The following ARHGEF18 variants were observed in gnomAD, a reference collection of about 807,000 sequenced individuals.
ARHGEF18 encodes rho guanine nucleotide exchange factor 18.
In ARHGEF18, 93 loss-of-function variants were observed where a neutral mutation model predicts 155.7. The ratio of observed to expected loss-of-function variants is 0.60; its 90% confidence interval spans 0.50 to 0.71. The LOEUF (loss-of-function observed/expected upper bound fraction) is 0.71, where lower values mean the gene tolerates loss of function less well. Among genes scored for constraint, ARHGEF18 ranks in the 30% least tolerant of loss-of-function variants. ARHGEF18 has a pLI of 0.00. For missense variants in ARHGEF18, 1,593 were observed against 1,816.1 expected, an observed-to-expected ratio of 0.88 and a Z score of 2.23; for synonymous variants, 742 against 753.1, an observed-to-expected ratio of 0.99 and a Z score of 0.24.
chr19:7,424,700 A>G (rs183311809), intron 10 of ARHGEF18, among the ~76,000 whole-genome samples: 2 of 152,304 alleles, frequency 1.3e-5, no homozygotes, highest in Admixed American at 6.5e-5. Context: ...ATTCATTAAG[A>G]AGGCTCAAAT....
chr19:7,354,668 G>A (rs1477222719), intron 1 of ARHGEF18, among the ~76,000 whole-genome samples: 3 of 144,190 alleles, frequency 2.1e-5, no homozygotes, highest in East Asian at 3.9e-4. Flanking sequence ...GCGAGGCCGC[G>A]GCAGGAGGAT....
chr19:7,370,911 T>TC (rs1491381408), intron 2 of ARHGEF18, among the ~76,000 whole-genome samples: 1 of 150,044 alleles, frequency 6.7e-6, no homozygotes, highest in Non-Finnish European at 1.5e-5. Flanking sequence ...TTTTTTTTTT[T>TC]CTTTCTTTCT....
chr19:7,477,578 G>A, the ARHGEF18 span: 2 of 643,304 alleles, frequency 3.1e-6, no homozygotes, highest in Admixed American at 7.8e-5. Context: ...TGGCCTCCCT[G>A]ACCATCCACA....
intron 10 of ARHGEF18, among the ~76,000 whole-genome samples, chr19:7,384,081 G>A (rs927509757): frequency 2.6e-5 from 4 of 152,160 alleles, no homozygotes; most frequent in South Asian, 2.1e-4. Context: ...GAAAAGATGC[G>A]TGCGCCGTTT....
At chr19:7,375,600 C>T (rs1389404533) in intron 3 of ARHGEF18, 120 bp from the exon 4 acceptor site, 5 of 1,037,622 alleles carry the variant, frequency 4.8e-6, no homozygotes, top group Non-Finnish European at 6.2e-6. Context: ...GTGGCTTGCG[C>T]ACCCTTCCTT....
intron 1 of ARHGEF18, among the ~76,000 whole-genome samples, chr19:7,351,484 C>T (rs182513007): frequency 2.7e-4 from 41 of 151,186 alleles, no homozygotes; most frequent in African/African-American, 3.2e-4. Context: ...CCACCATGCC[C>T]GGCTAATTTT....
At chr19:7,376,271 T>C (rs748956870) in intron 4 of ARHGEF18, among the ~76,000 whole-genome samples, 3 of 152,112 alleles carry the variant, frequency 2.0e-5, no homozygotes, top group Non-Finnish European at 4.4e-5. Flanking sequence ...GTGTCTGACC[T>C]GAGATCCCAG....
Position 7,387,645 on chromosome 19 carries a change from T to C in ARHGEF18, c.967+4442T>C, listed in dbSNP as rs191353180. On this transcript the variant is annotated intron_variant, in intron 10 of 28. Transcript: ENST00000668164. ...CTCGCCTGTTCATTTATGTATCACC[T>C]TCGGTGGTTCCCAAGCTACATCTTT... Among the ~76,000 whole-genome samples, 13 of 152,206 alleles carry C rather than the reference T, an allele frequency of 8.5e-5. No homozygotes were observed. In the South Asian group the frequency reaches 1.0e-3, roughly 12 times the overall value.
chr19:7,441,105 A>G (rs1974613078), intron 11 of ARHGEF18, among the ~76,000 whole-genome samples: 1 of 151,710 alleles, frequency 6.6e-6, no homozygotes, highest in South Asian at 2.1e-4. Flanking sequence ...AACGTAACTA[A>G]ACATTAAAGG....
chr19:7,379,448 A>G (rs888022492), intron 7 of ARHGEF18, among the ~76,000 whole-genome samples: 1 of 152,102 alleles, frequency 6.6e-6, no homozygotes, highest in African/African-American at 2.4e-5. Flanking sequence ...AATCCCAGCT[A>G]CTCAGGAGGC....
At chr19:7,424,340 G>A (rs1215546798) in intron 10 of ARHGEF18, among the ~76,000 whole-genome samples, 1 of 152,044 alleles carries the variant, frequency 6.6e-6, no homozygotes, top group Admixed American at 6.6e-5. Flanking sequence ...TTTCTTTCTT[G>A]AGCTAGATTT....
At chr19:7,367,002 T>C (rs1343456331) in intron 2 of ARHGEF18, among the ~76,000 whole-genome samples, 2 of 151,788 alleles carry the variant, frequency 1.3e-5, no homozygotes, top group Non-Finnish European at 2.9e-5. Flanking sequence ...TCTCAACTGA[T>C]CCTCCTACTT....
At chr19:7,363,944 G>GCTTC (rs1969755391) in intron 2 of ARHGEF18, among the ~76,000 whole-genome samples, 1 of 150,550 alleles carries the variant, frequency 6.6e-6, no homozygotes, top group African/African-American at 2.4e-5. Context: ...AATGAAGGAA[G>GCTTC]GATAGATAAA....
At position 7,379,081 on chromosome 19, in the gene ARHGEF18, A is replaced by G. The variant is rs1970602802; in HGVS notation, c.600-41A>G. 2.4e-6 allele frequency: 3 copies of G among 1,231,436 alleles called. No homozygotes were observed. In the Admixed American group the frequency reaches 1.3e-4, roughly 52 times the overall value. The allele number at this position is 1,231,436 out of a possible 1,614,324, so 76.3% of individuals were successfully genotyped here. A position where few individuals can be genotyped will look rare whatever the true frequency, so the allele number is the denominator to read the frequency against. On this transcript the variant is annotated intron_variant, in intron 6 of 28. Transcript: ENST00000668164. ...CTAGGGGAGAGTGTCTGTAACCTGG[A>G]GCTACCATGGGCTGTTCTAATCCCA...
intron 10 of ARHGEF18, among the ~76,000 whole-genome samples, chr19:7,439,288 C>CG (rs954902027): frequency 1.3e-5 from 2 of 150,388 alleles, no homozygotes; most frequent in African/African-American, 2.5e-5. Flanking sequence ...AGACCCCCCC[C>CG]CAACCTCTAC....
chr19:7,416,623 G>T (rs1451959979), intron 10 of ARHGEF18, among the ~76,000 whole-genome samples: 2 of 45,506 alleles, frequency 4.4e-5, no homozygotes, highest in East Asian at 2.1e-3. Flanking sequence ...TTTTTTTTGA[G>T]ACAGAGTCTT....
At chr19:7,461,553 A>T (rs1163794470) in intron 20 of ARHGEF18, among the ~76,000 whole-genome samples, 1 of 152,180 alleles carries the variant, frequency 6.6e-6, no homozygotes, top group Non-Finnish European at 1.5e-5. Flanking sequence ...CCTTCTCAAA[A>T]GAAGAAGGAA....
intron 27 of ARHGEF18, 83 bp downstream of exon 27, chr19:7,469,214 G>C: frequency 1.0e-5 from 15 of 1,430,988 alleles, no homozygotes; most frequent in Non-Finnish European, 1.4e-5. Context: ...CAGGAAATTC[G>C]GGACACCTGT....
At chr19:7,478,227 T>C in the ARHGEF18 span, 242,703 of 1,414,408 alleles carry the variant, frequency 0.17, 29,665 homozygotes, top group African/African-American at 0.57. Context: ...GTCCCCAGCA[T>C]GGGCCTGCAC....
Sources: gnomAD v4.1 joint callset for allele counts (sites outside exome capture counted in the v4.1 genomes callset) on GRCh38, gnomAD v4.1.1 for gene constraint, MANE v1.5 for transcripts, NCBI Gene and HGNC (gene_info 2026-07-23, HGNC 2026-07-21) for gene names.